Variants in ARHGAP10 observed in about 807,000 individuals in gnomAD.
The protein encoded by ARHGAP10 is Rho GTPase activating protein 10.
ARHGAP10 carries 87 observed loss-of-function variants against 108.6 expected under a neutral mutation model. That is an observed-to-expected ratio of 0.80 (90% CI 0.67 to 0.96). ARHGAP10 has a LOEUF of 0.96. ARHGAP10 is among the 40% of genes least tolerant of loss of function. The pLI is 0.00. For missense variants in ARHGAP10, 939 were observed against 954.5 expected (o/e 0.98, Z 0.21); for synonymous variants, 347 against 341.1 (o/e 1.02, Z -0.19).
At position 147,982,544 on chromosome 4, in the gene ARHGAP10, A is replaced by AT. The variant is rs1276269006; in HGVS notation, c.1716+15706dup. ...GGCATGTGCCATCACACCCAGCTAAATCTTTTTTTTTTTTTTTTTTTTTTT... is the reference window on the plus strand; with the variant it reads ...GGCATGTGCCATCACACCCAGCTAAATTCTTTTTTTTTTTTTTTTTTTTTTT... On this transcript the variant is annotated intron_variant, in intron 18 of 22. Coordinates refer to ENST00000336498, the MANE Select transcript of ARHGAP10 (RefSeq NM_024605.4). Among the ~76,000 whole-genome samples, 152 of 105,360 alleles carry AT rather than the reference A, an allele frequency of 1.4e-3. 2 individuals are homozygous for AT. The South Asian group carries it at 0.017, about 12-fold the overall frequency. 69.1% of individuals were successfully genotyped at this position (105,360 alleles called of 152,430 possible). A position where few individuals can be genotyped will look rare whatever the true frequency, so the allele number is the denominator to read the frequency against.
At chr4:147,832,497 A>G (rs1316388065) in intron 3 of ARHGAP10, among the ~76,000 whole-genome samples, 5 of 151,890 alleles carry the variant, frequency 3.3e-5, no homozygotes, top group Non-Finnish European at 7.4e-5. Context: ...AATTACAAAA[A>G]TTAGCCAGTC....
intron 18 of ARHGAP10, among the ~76,000 whole-genome samples, chr4:148,006,938 C>A (rs890250331): frequency 2.6e-5 from 4 of 152,126 alleles, no homozygotes; most frequent in Non-Finnish European, 5.9e-5. Flanking sequence ...CCTTTGTGGC[C>A]TTTTTCTGAA....
intron 20 of ARHGAP10, 37 bp downstream of exon 20, chr4:148,047,088 G>T (rs775450925): frequency 1.9e-6 from 3 of 1,607,774 alleles, no homozygotes; most frequent in East Asian, 4.5e-5. Flanking sequence ...CTGAAGGGTG[G>T]AAGCCCTGAC....
At chr4:147,761,562 C>T (rs896711523) in intron 1 of ARHGAP10, among the ~76,000 whole-genome samples, 18 of 152,242 alleles carry the variant, frequency 1.2e-4, no homozygotes, top group Non-Finnish European at 1.9e-4. Context: ...ATCTCTTTCT[C>T]TTTTCCACAG....
intron 1 of ARHGAP10, among the ~76,000 whole-genome samples, chr4:147,781,969 T>A (rs1730554500): frequency 6.6e-6 from 1 of 152,164 alleles, no homozygotes; most frequent in African/African-American, 2.4e-5. Context: ...TTTCATTGAT[T>A]TCTGAAATAC....
In ARHGAP10 at chr4:147,904,739, A is replaced by G. The variant is rs1284553940; in HGVS notation, c.1035-1899A>G. The stretch of plus-strand genomic sequence containing the variant: ...CAACATGATTTATAGTCCTTTGGGT[A>G]TATACCCAGTAATGGGATTGCTGGG... On this transcript the variant is annotated intron_variant, in intron 10 of 22. Transcript: ENST00000336498. Among the ~76,000 whole-genome samples, 5 of 152,328 alleles carry G rather than the reference A, an allele frequency of 3.3e-5. No homozygotes were observed. In the South Asian group the frequency reaches 6.2e-4, roughly 19 times the overall value.
intron 5 of ARHGAP10, chr4:147,862,833 T>C (rs545187664): frequency 4.5e-4 from 69 of 152,340 alleles, no homozygotes; most frequent in African/African-American, 1.6e-3. Flanking sequence ...CCTTCTTATG[T>C]CTTTATTAAA....
At chr4:147,879,033 G>A (rs1009097440) in intron 8 of ARHGAP10, among the ~76,000 whole-genome samples, 199 bp from the exon 9 acceptor site, 5 of 152,142 alleles carry the variant, frequency 3.3e-5, no homozygotes, top group Non-Finnish European at 7.4e-5. Context: ...ACCTCCCAAA[G>A]TGCTGGGATT....
chr4:147,910,614 G>A (rs868030341), intron 12 of ARHGAP10, among the ~76,000 whole-genome samples: 2 of 151,848 alleles, frequency 1.3e-5, no homozygotes, highest in Non-Finnish European at 2.9e-5. Context: ...CAAGGACAAC[G>A]ATCTTCACAT....
At chr4:147,738,253 TA>T (rs1419119931) in intron 1 of ARHGAP10, among the ~76,000 whole-genome samples, 5 of 152,134 alleles carry the variant, frequency 3.3e-5, no homozygotes. Context: ...TTCTCGTCAG[TA>T]AAATAGAAAT....
At chr4:147,761,762 G>C (rs1410850107) in intron 1 of ARHGAP10, among the ~76,000 whole-genome samples, 2 of 152,170 alleles carry the variant, frequency 1.3e-5, no homozygotes, top group African/African-American at 4.8e-5. Flanking sequence ...TAGTAGTAGA[G>C]TTTTCTTAAG....
chr4:148,015,963 CTG>C (rs1252094886), intron 18 of ARHGAP10, among the ~76,000 whole-genome samples: 5 of 152,138 alleles, frequency 3.3e-5, no homozygotes, highest in African/African-American at 1.2e-4. Flanking sequence ...AGAGGACACA[CTG>C]TGAATGGGGC....
intron 10 of ARHGAP10, among the ~76,000 whole-genome samples, chr4:147,896,698 G>A (rs902267921): frequency 6.6e-6 from 1 of 151,546 alleles, no homozygotes; most frequent in Non-Finnish European, 1.5e-5. Context: ...CATTCCCTAA[G>A]TTAGAAGCAC....
intron 3 of ARHGAP10, among the ~76,000 whole-genome samples, chr4:147,841,005 T>C (rs139877845): frequency 1.8e-4 from 28 of 152,400 alleles, no homozygotes; most frequent in Non-Finnish European, 3.7e-4. Flanking sequence ...TTCCTCTTTT[T>C]GTAAGTCAAG....
chr4:147,907,933 C>T (rs1436038190), intron 11 of ARHGAP10, among the ~76,000 whole-genome samples: 3 of 152,128 alleles, frequency 2.0e-5, no homozygotes, highest in African/African-American at 4.8e-5. Flanking sequence ...ACCTCTGCCT[C>T]CTGGGTTTAA....
chr4:147,849,866 C>G (rs1391169359), intron 4 of ARHGAP10, among the ~76,000 whole-genome samples: 2 of 152,212 alleles, frequency 1.3e-5, no homozygotes, highest in Non-Finnish European at 1.5e-5. Flanking sequence ...ATGGGTTCTG[C>G]TGCATTTTCT....
At chr4:147,802,734 T>C (rs1206665175) in intron 1 of ARHGAP10, among the ~76,000 whole-genome samples, 1 of 152,252 alleles carries the variant, frequency 6.6e-6, no homozygotes, top group Non-Finnish European at 1.5e-5. Flanking sequence ...ATAATTGTTC[T>C]TGTTAATATC....
intron 22 of ARHGAP10, among the ~76,000 whole-genome samples, chr4:148,068,244 G>A (rs893579618): frequency 6.6e-5 from 10 of 152,292 alleles, no homozygotes; most frequent in Middle Eastern, 3.4e-3. Context: ...ACGTGGCAGC[G>A]GCAGCAGCAG....
In ARHGAP10 at chr4:148,000,348, C is replaced by G. The variant is rs541298126; in HGVS notation, c.1717-22915C>G. ...TCATTGATGGACATTGGGGTTGGTTCCAAGTCTTTGCTATTGTGAATAGTG... is the reference window on the plus strand; with the variant it reads ...TCATTGATGGACATTGGGGTTGGTTGCAAGTCTTTGCTATTGTGAATAGTG... On this transcript the variant is annotated intron_variant, in intron 18 of 22. Coordinates refer to ENST00000336498, the MANE Select transcript of ARHGAP10 (RefSeq NM_024605.4). Among the ~76,000 whole-genome samples, 7 of 152,258 alleles carry G rather than the reference C, an allele frequency of 4.6e-5. No individual in the cohort carries two copies. In the South Asian group the frequency reaches 1.5e-3, roughly 32 times the overall value.
Sources: gnomAD v4.1 joint callset for allele counts (sites outside exome capture counted in the v4.1 genomes callset) on GRCh38, gnomAD v4.1.1 for gene constraint, MANE v1.5 for transcripts, NCBI Gene and HGNC (gene_info 2026-07-23, HGNC 2026-07-21) for gene names.